Variants in TRIM47 observed in about 807,000 individuals in gnomAD.
The protein encoded by TRIM47 is E3 ubiquitin-protein ligase TRIM47.
In TRIM47, 46 loss-of-function variants were observed where a neutral mutation model predicts 54.4. The ratio of observed to expected loss-of-function variants is 0.84; its 90% CI spans 0.67 to 1.08. The LOEUF (loss-of-function observed/expected upper bound fraction) is 1.08. TRIM47 is among the 50% of genes least tolerant of loss of function. TRIM47 has a pLI of 0.00. For missense variants in TRIM47, 825 were observed against 910.1 expected, an observed-to-expected ratio of 0.91 and a Z score of 1.20; for synonymous variants, 392 against 410.2, an observed-to-expected ratio of 0.96 and a Z score of 0.54.
rs755412975 is a variant in TRIM47 at position 75,875,876 on chromosome 17, C to CG, written c.1201+24dup. ...GAGAGGCTGGCAGAGGGTGAGTCATCGGGGGGGCGTGGGGCGGTGCCCACC... is the reference window on the plus strand; with the variant it reads ...GAGAGGCTGGCAGAGGGTGAGTCATCGGGGGGGGCGTGGGGCGGTGCCCACC... On this transcript the variant is annotated intron_variant, in intron 4 of 5. Coordinates refer to ENST00000254816, the MANE Select transcript of TRIM47 (RefSeq NM_033452.3). The surrounding 1 kb of genome is among the most constrained non-coding windows in gnomAD (Gnocchi z 6.1). 58 of 1,603,440 alleles carry CG rather than the reference C, an allele frequency of 3.6e-5. No homozygotes were observed. Among genetic ancestry groups the CG allele is most frequent in the South Asian group, 1.0e-4 (9 of 90,190 alleles).
At position 75,878,487 on chromosome 17, in the gene TRIM47, G is replaced by A; in HGVS notation, c.62C>T (p.Thr21Met). ...ICLEPLREPV[T>M]LPCGHNFCLA... is the part of the protein sequence containing the mutation. ...ACAGAAGTTGTGGCCGCAGGGCAGC[G>A]TCACCGGCTCCCGGAGTGGCTCTAG... The change falls in exon 1 of 6, where the codon ACG becomes ATG. Residue 21 changes from threonine to methionine, a missense_variant. Transcript: ENST00000254816. 2 of 1,388,756 alleles carry A rather than the reference G, an allele frequency of 1.4e-6. No homozygotes were observed. The highest frequency in any genetic ancestry group is 1.6e-5 in the South Asian group (1 of 62,676). The allele number at this position is 1,388,756 out of a possible 1,614,324, so 86.0% of individuals were successfully genotyped here.
rs1310891600 is a variant in TRIM47, at chr17:75,878,198, G to T, written c.351C>A (p.Pro117=). The T allele has an allele frequency of 1.6e-6, 2 of 1,227,950 alleles. No individual in the cohort carries two copies. Among genetic ancestry groups the T allele is most frequent in the East Asian group, 6.5e-5 (2 of 30,602 alleles). 76.1% of individuals were successfully genotyped at this position (1,227,950 alleles called of 1,614,324 possible). The change falls in exon 1 of 6, where the codon CCC becomes CCA. Residue 117 remains proline (P), a synonymous_variant. Transcript: ENST00000254816. ...GCTCTTCGCCCGCGGGCCACGGCTC[G>T]GGAGCGCAGGGGGCCGACGGCTCCG... ...SVPEPSAPCA[P]EPWPAGEEPV...
chr17:75,878,185 CGGGCCACGGCTCG>C lies in TRIM47; in HGVS notation c.351_363del (p.Glu118ArgfsTer56). 1 of 1,228,248 alleles carries C rather than the reference CGGGCCACGGCTCG, an allele frequency of 8.1e-7. No homozygotes were observed. Among genetic ancestry groups the C allele is most frequent in the Non-Finnish European group, 1.0e-6 (1 of 985,992 alleles). The allele number at this position is 1,228,248 out of a possible 1,614,324, so 76.1% of individuals were successfully genotyped here. The stretch of plus-strand genomic sequence containing the variant: ...TCGCAGCGCACTGGCTCTTCGCCCG[CGGGCCACGGCTCG>C]GGAGCGCAGGGGGCCGACGGCTCCG... On this transcript the variant is annotated frameshift_variant, in exon 1 of 6. Transcript: ENST00000254816. LOFTEE classifies it high-confidence loss of function.
intron 1 of TRIM47, chr17:75,877,525 T>A: frequency 2.4e-6 from 1 of 424,718 alleles, no homozygotes; most frequent in Non-Finnish European, 3.5e-6. Flanking sequence ...AAATCTGAGC[T>A]GAGACCGGCG....
chr17:75,875,593 C>G lies in TRIM47; in HGVS notation c.1202-119G>C. 1 of 919,466 alleles carries G rather than the reference C, an allele frequency of 1.1e-6. No homozygotes were observed. The highest frequency in any genetic ancestry group is 1.6e-5 in the African/African-American group (1 of 61,406). The allele number at this position is 919,466 out of a possible 1,614,324, so 57.0% of individuals were successfully genotyped here. On this transcript the variant is annotated intron_variant, in intron 4 of 5. Transcript: ENST00000254816. This position sits in a 1 kb window ranked among gnomAD's most constrained non-coding sequence, Gnocchi z 6.1. ...TCCAGAGCCACCAGGGAGCAAGCAC[C>G]ACCCAGATGTGGCACGCTGTGCTCA...
At position 75,874,819 on chromosome 17, in the gene TRIM47, G is replaced by T. The variant is rs2065122747; in HGVS notation, c.1581C>A (p.Arg527=). The change falls in exon 6 of 6, where the codon CGC becomes CGA. Residue 527 remains arginine, a synonymous_variant. Coordinates refer to ENST00000254816, the MANE Select transcript of TRIM47 (RefSeq NM_033452.3). This position sits in a 1 kb window ranked among gnomAD's most constrained non-coding sequence, Gnocchi z 6.2. Reference sequence around the variant, plus strand: ...GCCCATGAAACCAGACGGAGAAGCTGCGTCCATTCCACTGCAGGCAGCAGG... The same window carrying T: ...GCCCATGAAACCAGACGGAGAAGCTTCGTCCATTCCACTGCAGGCAGCAGG... ...AHSCCLQWNG[R]SFSVWFHGLE... 8.7e-6 allele frequency: 14 copies of T among 1,614,098 alleles called. No individual in the cohort carries two copies. Among genetic ancestry groups the T allele is most frequent in the Non-Finnish European group, 1.1e-5 (13 of 1,180,004 alleles).
In TRIM47 at chr17:75,875,266, C is replaced by T. The variant is rs1242518693; in HGVS notation, c.1276+134G>A. ...AACCCAGCCCCGCCGGGGACCACCCCAGGAGCTGCCCTAGCTCTCCCCACA... is the reference window on the plus strand; with the variant it reads ...AACCCAGCCCCGCCGGGGACCACCCTAGGAGCTGCCCTAGCTCTCCCCACA... On this transcript the variant is annotated intron_variant, in intron 5 of 5. Transcript: ENST00000254816. This position sits in a 1 kb window ranked among gnomAD's most constrained non-coding sequence, Gnocchi z 6.1. 1 of 1,425,132 alleles carries T rather than the reference C, an allele frequency of 7.0e-7. No individual in the cohort carries two copies. The highest frequency in any genetic ancestry group is 1.9e-5 in the Admixed American group (1 of 53,162). The allele number at this position is 1,425,132 out of a possible 1,614,324, so 88.3% of individuals were successfully genotyped here.
In TRIM47 at chr17:75,875,708, C is replaced by A. The variant is rs143150218; in HGVS notation, c.1201+193G>T. ...GAGCTAGAGGGTGGGCTAGGAGAAG[C>A]CCCCTCTACCCCAGGTCCAAGGGGC... is the stretch of plus-strand genomic sequence containing the variant. On this transcript the variant is annotated intron_variant, in intron 4 of 5. Coordinates refer to ENST00000254816, the MANE Select transcript of TRIM47 (RefSeq NM_033452.3). This position sits in a 1 kb window ranked among gnomAD's most constrained non-coding sequence, Gnocchi z 6.1. The A allele has an allele frequency of 1.3e-6, 1 of 745,644 alleles. No individual in the cohort carries two copies. Among genetic ancestry groups the A allele is most frequent in the Non-Finnish European group, 2.2e-6 (1 of 461,930 alleles). The allele number at this position is 745,644 out of a possible 1,614,324, so 46.2% of individuals were successfully genotyped here.
rs372056120 is a variant in TRIM47, at chr17:75,876,369, G to T, written c.895C>A (p.Arg299Ser). ...IEEGEAAMLG[R>S]SQGDLRRQEE... ...TGTCGCCGCAGGTCACCCTGGGAGC[G>T]GCCTAGCATGGCAGCTTCCCCCTCC... The change falls in exon 3 of 6, where the codon CGC (arginine) becomes AGC (serine). Residue 299 changes from arginine to serine, a missense_variant. Transcript: ENST00000254816. 10 of 1,612,154 alleles carry T rather than the reference G, an allele frequency of 6.2e-6. No homozygotes were observed. The Admixed American group carries it at 1.5e-4, about 24-fold the overall frequency.
rs1168367717 is a variant in TRIM47, at chr17:75,875,657, T to A, written c.1202-183A>T. Reference sequence around the variant, plus strand: ...TGCCTGTGTTCTGCCTCTTGCCCCATGTGCTTCCCGGGCCACAGCCCTCTG... The same window carrying A: ...TGCCTGTGTTCTGCCTCTTGCCCCAAGTGCTTCCCGGGCCACAGCCCTCTG... On this transcript the variant is annotated intron_variant, in intron 4 of 5. Transcript: ENST00000254816. This position sits in a 1 kb window ranked among gnomAD's most constrained non-coding sequence, Gnocchi z 6.1. 5.6e-6 allele frequency: 4 copies of A among 716,974 alleles called. No individual in the cohort carries two copies. In the African/African-American group the frequency reaches 7.0e-5, roughly 13 times the overall value. The allele number at this position is 716,974 out of a possible 1,614,324, so 44.4% of individuals were successfully genotyped here.
Position 75,874,295 on chromosome 17 carries a change from G to A in TRIM47, c.*188C>T. ...TGTCTCCCAGAAGTGAGGTCTGCAG[G>A]GGAACAGGGTCTGGGGGTCCTCCTG... On this transcript the variant is annotated 3_prime_UTR_variant, in exon 6 of 6. Transcript: ENST00000254816. This position sits in a 1 kb window ranked among gnomAD's most constrained non-coding sequence, Gnocchi z 6.2. The A allele has an allele frequency of 6.3e-6, 3 of 477,296 alleles. No homozygotes were observed. The highest frequency in any genetic ancestry group is 1.1e-5 in the Non-Finnish European group (3 of 281,492). 29.6% of individuals were successfully genotyped at this position (477,296 alleles called of 1,614,324 possible). A position where few individuals can be genotyped will look rare whatever the true frequency, so the allele number is the denominator to read the frequency against.
intron 2 of TRIM47, 32 bp downstream of exon 2, chr17:75,876,686 G>T (rs1344871787): frequency 1.2e-6 from 2 of 1,611,190 alleles, no homozygotes; most frequent in Non-Finnish European, 1.7e-6. Context: ...GTTTGGAGTG[G>T]ATTGTTCCAT....
chr17:75,877,799 G>T, intron 1 of TRIM47, 75 bp downstream of exon 1: 1 of 1,277,322 alleles, frequency 7.8e-7, no homozygotes, highest in East Asian at 3.1e-5. Context: ...AGACTGGGGG[G>T]TCCAAGGTCC....
intron 1 of TRIM47, chr17:75,877,670 C>T: frequency 8.1e-7 from 1 of 1,232,554 alleles, no homozygotes; most frequent in Non-Finnish European, 1.0e-6. Context: ...TTGTCCTGTT[C>T]TCACGTCCCT....
At position 75,876,317 on chromosome 17, in the gene TRIM47, C is replaced by G. The variant is rs372636189; in HGVS notation, c.947G>C (p.Arg316Pro). Residue 316 changes from arginine (R) to proline (P), a missense_variant, in exon 3 of 6, where the codon CGA (arginine) becomes CCA (proline). Transcript: ENST00000254816. ...RQEEQRSRLS[R>P]ARQNLSQVPE... Reference sequence around the variant, plus strand: ...GACCTGGCTGAGATTCTGGCGGGCTCGGCTCAGGCGGCTGCGCTGTTCCTC... The same window carrying G: ...GACCTGGCTGAGATTCTGGCGGGCTGGGCTCAGGCGGCTGCGCTGTTCCTC... The G allele has an allele frequency of 2.5e-6, 4 of 1,610,796 alleles. No homozygotes were observed. The highest frequency in any genetic ancestry group is 3.4e-6 in the Non-Finnish European group (4 of 1,179,804).
intron 1 of TRIM47, chr17:75,877,608 A>G: frequency 8.8e-7 from 1 of 1,134,828 alleles, no homozygotes; most frequent in Non-Finnish European, 1.1e-6. Context: ...TCCCGCCTAC[A>G]CCCCCATAGA....
chr17:75,876,945 G>T, intron 1 of TRIM47, 132 bp from the exon 2 acceptor site: 1 of 830,392 alleles, frequency 1.2e-6, no homozygotes, highest in Non-Finnish European at 1.9e-6. Context: ...GGACTGGAGT[G>T]GCCACGATGT....
chr17:75,877,054 C>G, intron 1 of TRIM47: 2 of 562,334 alleles, frequency 3.6e-6, no homozygotes, highest in Non-Finnish European at 6.4e-6. Flanking sequence ...GGGTCTCTGA[C>G]AGGAGGCCTA....
At chr17:75,876,864 T>G (rs753500531) in intron 1 of TRIM47, 51 bp from the exon 2 acceptor site, 3 of 1,577,980 alleles carry the variant, frequency 1.9e-6, no homozygotes, top group Non-Finnish European at 2.6e-6. Flanking sequence ...GCCACAGCCC[T>G]ACACTCGGGT....
Sources: gnomAD v4.1 joint callset for allele counts on GRCh38, gnomAD v4.1.1 for gene constraint, Gnocchi (gnomAD v3.1) non-coding constraint, MANE v1.5 for transcripts, NCBI Gene and HGNC (gene_info 2026-07-23, HGNC 2026-07-21) for gene names.